The following COX7B2 variants were observed in gnomAD, a reference collection of about 807,000 sequenced individuals.
The protein encoded by COX7B2 is cytochrome c oxidase subunit 7B2, mitochondrial.
For synonymous variants in COX7B2, 37 were observed against 32.1 expected (o/e 1.15, Z -0.51); for missense variants, 109 against 95.9 (o/e 1.14, Z -0.57).
intron 2 of COX7B2, among the ~76,000 whole-genome samples, chr4:46,738,982 C>G (rs998619966): frequency 6.6e-6 from 1 of 152,028 alleles, no homozygotes; most frequent in African/African-American, 2.4e-5. Flanking sequence ...ATAACTAATA[C>G]TTGATCTCAG....
At chr4:46,793,576 A>T (rs1718161304) in intron 2 of COX7B2, among the ~76,000 whole-genome samples, 1 of 152,206 alleles carries the variant, frequency 6.6e-6, no homozygotes, top group Non-Finnish European at 1.5e-5. Flanking sequence ...GTGTTGGAAG[A>T]AAAGGATGAG....
intron 2 of COX7B2, among the ~76,000 whole-genome samples, chr4:46,747,411 C>T (rs1300619404): frequency 6.6e-6 from 1 of 152,120 alleles, no homozygotes; most frequent in Non-Finnish European, 1.5e-5. Context: ...TCAAGCGATT[C>T]TCCTGTCTCA....
chr4:46,781,939 C>A (rs950434597), intron 2 of COX7B2, among the ~76,000 whole-genome samples: 1 of 152,190 alleles, frequency 6.6e-6, no homozygotes, highest in African/African-American at 2.4e-5. Context: ...CAAGCACCCC[C>A]CATCCCGCCC....
chr4:46,856,500 C>T (rs1211020848), intron 1 of COX7B2, among the ~76,000 whole-genome samples: 2 of 152,102 alleles, frequency 1.3e-5, no homozygotes, highest in Non-Finnish European at 2.9e-5. Flanking sequence ...ATAAGTTCTC[C>T]TTCTCAACTG....
At chr4:46,816,321 G>C (rs1033798051) in intron 2 of COX7B2, among the ~76,000 whole-genome samples, 3 of 151,874 alleles carry the variant, frequency 2.0e-5, no homozygotes, top group African/African-American at 7.3e-5. Context: ...TATGTTATTG[G>C]GCTGTTCTCT....
At chr4:46,879,977 A>G (rs1039291970) in intron 1 of COX7B2, among the ~76,000 whole-genome samples, 1 of 152,056 alleles carries the variant, frequency 6.6e-6, no homozygotes, top group Non-Finnish European at 1.5e-5. Context: ...TTGAGCTAGG[A>G]CTTCCAATAC....
chr4:46,830,324 CAAAAAAAAA>C (rs201868075), intron 2 of COX7B2, among the ~76,000 whole-genome samples: 3 of 82,158 alleles, frequency 3.7e-5, no homozygotes, highest in Non-Finnish European at 4.9e-5. Flanking sequence ...ACTCTGTCTC[CAAAAAAAAA>C]AAAAAAAAAA....
chr4:46,808,678 T>A (rs1212212039), intron 2 of COX7B2, among the ~76,000 whole-genome samples: 1 of 151,866 alleles, frequency 6.6e-6, no homozygotes, highest in Non-Finnish European at 1.5e-5. Flanking sequence ...TGTGGGTTTT[T>A]TATAAAACAC....
At chr4:46,759,921 TAA>T (rs1050019609) in intron 2 of COX7B2, among the ~76,000 whole-genome samples, 4 of 151,032 alleles carry the variant, frequency 2.6e-5, no homozygotes, top group South Asian at 2.1e-4. Flanking sequence ...ATAAGTTATA[TAA>T]GTCTTATCTT....
At chr4:46,769,189 C>T (rs1223346640) in intron 2 of COX7B2, among the ~76,000 whole-genome samples, 1 of 151,906 alleles carries the variant, frequency 6.6e-6, no homozygotes, top group East Asian at 1.9e-4. Context: ...TTCCCAAAAG[C>T]CAAAGAGGAA....
chr4:46,839,364 G>A (rs796568279), intron 2 of COX7B2, among the ~76,000 whole-genome samples: 84 of 152,000 alleles, frequency 5.5e-4, no homozygotes, highest in African/African-American at 1.9e-3. Flanking sequence ...TAGCATCCTT[G>A]GTAACTTCCT....
chr4:46,832,132 A>G (rs768796610), intron 2 of COX7B2, among the ~76,000 whole-genome samples: 3 of 152,066 alleles, frequency 2.0e-5, no homozygotes, highest in Non-Finnish European at 4.4e-5. Flanking sequence ...CCCCTTCCAC[A>G]CCGTGGAAGG....
At chr4:46,801,705 C>T (rs753812844) in intron 2 of COX7B2, among the ~76,000 whole-genome samples, 15 of 152,028 alleles carry the variant, frequency 9.9e-5, no homozygotes, top group Non-Finnish European at 1.6e-4. Flanking sequence ...CACATGTATC[C>T]CCTGAACCTA....
Position 46,782,360 on chromosome 4 carries a change from C to A in COX7B2, c.-49-47119G>T, listed in dbSNP as rs561054064. On this transcript the variant is annotated intron_variant, in intron 2 of 2. Transcript: ENST00000355591. ...GCTCAAGGTTTGTAAATGCACCAAT[C>A]AGTGCTTGTGTCTAGCTAATCTAGT... Among the ~76,000 whole-genome samples the A allele has an allele frequency of 1.2e-3, 182 of 150,138 alleles. 1 individual carries two copies. The highest frequency in any genetic ancestry group is 4.2e-3 in the African/African-American group (172 of 40,674).
intron 2 of COX7B2, among the ~76,000 whole-genome samples, chr4:46,780,314 G>A (rs1322804093): frequency 6.6e-6 from 1 of 152,066 alleles, no homozygotes; most frequent in Non-Finnish European, 1.5e-5. Context: ...TCAGGAGATC[G>A]AGACCATCCT....
chr4:46,864,630 T>C (rs1034138885), intron 1 of COX7B2, among the ~76,000 whole-genome samples: 1 of 149,276 alleles, frequency 6.7e-6, no homozygotes, highest in Non-Finnish European at 1.5e-5. Context: ...CTAGAGTTGT[T>C]GGTCAGAGTT....
chr4:46,881,500 C>G (rs762133106), intron 1 of COX7B2, among the ~76,000 whole-genome samples: 1 of 152,146 alleles, frequency 6.6e-6, no homozygotes, highest in Non-Finnish European at 1.5e-5. Context: ...TGGTGGCTTA[C>G]GCCTGTAATC....
intron 2 of COX7B2, among the ~76,000 whole-genome samples, chr4:46,826,045 T>G (rs1202342819): frequency 1.3e-5 from 2 of 152,000 alleles, no homozygotes; most frequent in African/African-American, 4.8e-5. Flanking sequence ...TAATTAAACT[T>G]AAGAGCTTCT....
intron 2 of COX7B2, among the ~76,000 whole-genome samples, chr4:46,784,303 A>C (rs1717637475): frequency 6.6e-6 from 1 of 152,192 alleles, no homozygotes; most frequent in Non-Finnish European, 1.5e-5. Flanking sequence ...TTTAATATAT[A>C]ATTTAGCCTT....
Sources: allele counts gnomAD v4.1 joint callset (sites outside exome capture counted in the v4.1 genomes callset), GRCh38; gene constraint gnomAD v4.1.1; transcripts MANE v1.5; gene names NCBI Gene and HGNC (gene_info 2026-07-23, HGNC 2026-07-21).